Variants in CSMD1 observed in about 807,000 individuals in gnomAD.
CSMD1 encodes the protein CUB and Sushi multiple domains 1.
Under a neutral mutation model 417.5 loss-of-function variants are expected in CSMD1, and 213 were observed. The observed-to-expected ratio is 0.51, with a 90% CI of 0.46 to 0.57. The LOEUF is 0.57. CSMD1 is among the 20% of genes least tolerant of loss of function. The pLI is 0.00. For synonymous variants in CSMD1, 2,862 were observed against 1,736.8 expected (o/e 1.65, Z -16.11); for missense variants, 6,923 against 4,529.7 (o/e 1.53, Z -15.17).
intron 25 of CSMD1, among the ~76,000 whole-genome samples, chr8:3,295,117 TTTTA>T (rs373767215): frequency 0.048 from 5,890 of 123,858 alleles, 396 homozygotes; most frequent in African/African-American, 0.14. Flanking sequence ...TTTGCTTTTA[TTTTA>T]TTTATTTATT....
At chr8:4,130,688 G>T (rs535703927) in intron 3 of CSMD1, among the ~76,000 whole-genome samples, 1 of 151,476 alleles carries the variant, frequency 6.6e-6, no homozygotes, top group East Asian at 1.9e-4. Context: ...AATTTTAGTG[G>T]AATTTTGGAG....
chr8:4,835,072 T>C (rs1300540210), intron 1 of CSMD1, among the ~76,000 whole-genome samples: 1 of 149,964 alleles, frequency 6.7e-6, no homozygotes, highest in East Asian at 2.0e-4. Context: ...AACAAAAGCG[T>C]TTCTTCACTG....
At chr8:4,821,776 G>A (rs953696959) in intron 1 of CSMD1, among the ~76,000 whole-genome samples, 2 of 152,044 alleles carry the variant, frequency 1.3e-5, no homozygotes, top group Admixed American at 6.6e-5. Flanking sequence ...CTATATTGAT[G>A]TTACAACTCT....
intron 49 of CSMD1, among the ~76,000 whole-genome samples, chr8:3,076,913 G>A (rs999065250): frequency 6.6e-6 from 1 of 152,146 alleles, no homozygotes; most frequent in African/African-American, 2.4e-5. Flanking sequence ...ACTACATAAT[G>A]AAGGAGACTG....
chr8:3,640,353 G>C (rs189800628), intron 7 of CSMD1, among the ~76,000 whole-genome samples: 11 of 152,292 alleles, frequency 7.2e-5, no homozygotes, highest in Admixed American at 4.6e-4. Flanking sequence ...TCCATTTGTA[G>C]TTTATTGAAG....
At chr8:4,775,265 C>G (rs1172292714) in intron 1 of CSMD1, among the ~76,000 whole-genome samples, 2 of 152,084 alleles carry the variant, frequency 1.3e-5, no homozygotes, top group Non-Finnish European at 2.9e-5. Context: ...CATAGAAAAA[C>G]TGCAATGATT....
intron 37 of CSMD1, among the ~76,000 whole-genome samples, chr8:3,178,948 CTTTTTTTT>C (rs11347913): frequency 7.4e-6 from 1 of 135,134 alleles, no homozygotes; most frequent in Admixed American, 7.5e-5. Context: ...ATCTATATTT[CTTTTTTTT>C]TTTTTTTTTG....
At chr8:4,811,112 A>T (rs1030475715) in intron 1 of CSMD1, among the ~76,000 whole-genome samples, 1 of 152,222 alleles carries the variant, frequency 6.6e-6, no homozygotes, top group African/African-American at 2.4e-5. Context: ...AAGCATTTTT[A>T]TGGCAACACA....
intron 1 of CSMD1, among the ~76,000 whole-genome samples, chr8:4,967,653 T>A (rs1563894319): frequency 6.6e-6 from 1 of 152,210 alleles, no homozygotes; most frequent in Non-Finnish European, 1.5e-5. Context: ...TTTTATTCTC[T>A]GGTTCTAATG....
intron 5 of CSMD1, among the ~76,000 whole-genome samples, chr8:3,820,403 A>G (rs1259422374): frequency 6.6e-6 from 1 of 152,184 alleles, no homozygotes; most frequent in South Asian, 2.1e-4. Flanking sequence ...AAAGTGAGTC[A>G]TATACATTAG....
chr8:4,573,092 T>C (rs1324756959), intron 2 of CSMD1, among the ~76,000 whole-genome samples: 2 of 152,160 alleles, frequency 1.3e-5, no homozygotes, highest in East Asian at 3.9e-4. Context: ...GAGTTTGTTA[T>C]TACCCACCTT....
At chr8:3,231,173 T>C (rs1798813914) in intron 26 of CSMD1, among the ~76,000 whole-genome samples, 1 of 152,198 alleles carries the variant, frequency 6.6e-6, no homozygotes, top group African/African-American at 2.4e-5. Context: ...ATAACTGCTG[T>C]GTATTATGTG....
At chr8:4,348,649 G>T (rs1800915411) in intron 3 of CSMD1, among the ~76,000 whole-genome samples, 1 of 132,282 alleles carries the variant, frequency 7.6e-6, no homozygotes, top group African/African-American at 2.8e-5. Flanking sequence ...GAGGGAGGGG[G>T]AGAGAGAGAG....
chr8:4,896,495 T>G (rs941650902), intron 1 of CSMD1, among the ~76,000 whole-genome samples: 2 of 152,082 alleles, frequency 1.3e-5, no homozygotes, highest in Non-Finnish European at 2.9e-5. Context: ...TCTCTAAAAT[T>G]TTTATCTTAT....
chr8:4,129,674 C>T (rs532430282), intron 3 of CSMD1, among the ~76,000 whole-genome samples: 10 of 152,130 alleles, frequency 6.6e-5, no homozygotes, highest in Non-Finnish European at 1.0e-4. Flanking sequence ...GTTCTGAAAT[C>T]ACCTAATGAC....
At chr8:4,689,045 A>T (rs11997258) in intron 1 of CSMD1, among the ~76,000 whole-genome samples, 3 of 152,172 alleles carry the variant, frequency 2.0e-5, no homozygotes, top group Admixed American at 6.5e-5. Flanking sequence ...TGCTGTCCAC[A>T]TAATAACTTG....
At chr8:4,895,831 G>C (rs1346249330) in intron 1 of CSMD1, among the ~76,000 whole-genome samples, 1 of 151,874 alleles carries the variant, frequency 6.6e-6, no homozygotes, top group Non-Finnish European at 1.5e-5. Flanking sequence ...AAAATATTGA[G>C]AACTTTACCA....
intron 5 of CSMD1, among the ~76,000 whole-genome samples, chr8:3,825,588 G>C (rs1449986270): frequency 1.3e-5 from 2 of 152,098 alleles, no homozygotes; most frequent in Admixed American, 1.3e-4. Context: ...TAGAAGAGTG[G>C]GGGAAGGGAT....
At chr8:3,780,994 T>C (rs1033871934) in intron 5 of CSMD1, among the ~76,000 whole-genome samples, 3 of 152,208 alleles carry the variant, frequency 2.0e-5, no homozygotes, top group Admixed American at 1.3e-4. Flanking sequence ...CTGTGACATT[T>C]TGTGTGACTC....
Sources: allele counts gnomAD v4.1 joint callset (sites outside exome capture counted in the v4.1 genomes callset), GRCh38; gene constraint gnomAD v4.1.1; transcripts MANE v1.5; gene names NCBI Gene and HGNC (gene_info 2026-07-23, HGNC 2026-07-21).